STK36: variants seen among roughly 807,000 people sequenced by gnomAD.
STK36 encodes the protein serine/threonine kinase 36.
A neutral mutation model predicts 142.2 loss-of-function variants in STK36; 116 were observed. The observed-to-expected ratio is 0.82, with a 90% CI of 0.70 to 0.95. STK36 has a LOEUF of 0.95. Ranked by LOEUF, STK36 falls within the 40% of genes least tolerant of loss-of-function variation. The pLI, the probability that STK36 is intolerant of heterozygous loss-of-function variation, is 0.00. For synonymous variants in STK36, 619 were observed against 641.7 expected, an observed-to-expected ratio of 0.96 and a Z score of 0.53; for missense variants, 1,422 against 1,617.2, an observed-to-expected ratio of 0.88 and a Z score of 2.07.
rs1940052309 is a variant in STK36, at chr2:218,672,887, A to G, written c.58A>G (p.Lys20Glu). The part of the protein sequence containing the change: ...IGEGSFGRVY[K>E]GRRKYSAQVV... ...AGAAGGCTCTTTTGGGAGGGTGTAC[A>G]AGGGTCGAAGAAAATACAGTGCTCA... is the stretch of plus-strand genomic sequence containing the variant. The change falls in exon 2 of 27, where the codon AAG becomes GAG. Residue 20 changes from lysine (K) to glutamate (E), a missense_variant. Physicochemically the swap from Lys to Glu is moderately conservative, Grantham distance 56. This residue lies in a region of STK36 where 460 missense variants were observed against 449.6 expected (regional missense o/e 1.02). Coordinates refer to ENST00000295709, the MANE Select transcript of STK36 (RefSeq NM_015690.5). 10 of 1,614,088 alleles carry G rather than the reference A, an allele frequency of 6.2e-6. No homozygotes were observed. The highest frequency in any genetic ancestry group is 2.2e-5 in the South Asian group (2 of 91,072).
Position 218,698,714 on chromosome 2 carries a change from C to T in STK36, c.3170C>T (p.Ala1057Val). 6.2e-7 allele frequency: 1 copy of T among 1,614,200 alleles called. No individual in the cohort carries two copies. Among genetic ancestry groups the T allele is most frequent in the Non-Finnish European group, 8.5e-7 (1 of 1,180,050 alleles). The change falls in exon 26 of 27, where the codon GCC becomes GTC. Residue 1057 changes from alanine (A) to valine (V), a missense_variant. This residue lies in a region of STK36 where 962 missense variants were observed against 1,167.5 expected (regional missense o/e 0.82). Coordinates refer to ENST00000295709, the MANE Select transcript of STK36 (RefSeq NM_015690.5). Reference sequence around the variant, plus strand: ...AACCAGTTTGTGAACACAGTGTCTGCCTCCCCTAGAACCATCGTCTCGTTT... The same window carrying T: ...AACCAGTTTGTGAACACAGTGTCTGTCTCCCCTAGAACCATCGTCTCGTTT... ...SLNQFVNTVS[A>V]SPRTIVSFLS...
intron 9 of STK36, 36 bp from the exon 10 acceptor site, chr2:218,680,567 T>C: frequency 6.4e-7 from 1 of 1,566,062 alleles, no homozygotes; most frequent in Non-Finnish European, 8.7e-7. Flanking sequence ...AGTCATAGGT[T>C]TGGAACCCGT....
chr2:218,697,040 A>T lies in STK36; in HGVS notation c.2588A>T (p.Gln863Leu), dbSNP rs1387042223. The change falls in exon 23 of 27, where the codon CAG becomes CTG. Residue 863 changes from glutamine to leucine, a missense_variant and splice_region_variant. Around this residue, in one of 2 missense-constraint regions of STK36, gnomAD observed 962 missense variants for 1,167.5 expected, o/e 0.82. Coordinates refer to ENST00000295709, the MANE Select transcript of STK36 (RefSeq NM_015690.5). ...GCCCTCTTTCACTTTTATCTCTAGC[A>T]GGGGAAGGCTAGCCTAATCAGGGAT... ...LILLLQLLTE[Q>L]GKASLIRDMS... is the part of the protein sequence containing the mutation. The T allele has an allele frequency of 1.2e-6, 2 of 1,613,556 alleles. No homozygotes were observed. Among genetic ancestry groups the T allele is most frequent in the Admixed American group, 3.3e-5 (2 of 59,918 alleles).
At chr2:218,674,344 G>A (rs528403066) in intron 4 of STK36, among the ~76,000 whole-genome samples, 63 of 152,246 alleles carry the variant, frequency 4.1e-4, no homozygotes, top group Non-Finnish European at 7.9e-4. Flanking sequence ...ATACCTTTAG[G>A]GAAGAAGGGC....
Position 218,672,734 on chromosome 2 carries a change from C to T in STK36, c.-89-7C>T. The T allele has an allele frequency of 1.6e-6, 2 of 1,252,992 alleles. No individual in the cohort carries two copies. The highest frequency in any genetic ancestry group is 1.1e-6 in the Non-Finnish European group (1 of 869,662). 77.6% of individuals were successfully genotyped at this position (1,252,992 alleles called of 1,614,324 possible). A position where few individuals can be genotyped will look rare whatever the true frequency, so the allele number is the denominator to read the frequency against. ...CTAACATTTTTCCTTTCCCGTGCCCCAACTAGGCGTCCCAGATGTTGTGGA... is the reference window on the plus strand; with the variant it reads ...CTAACATTTTTCCTTTCCCGTGCCCTAACTAGGCGTCCCAGATGTTGTGGA... On this transcript the variant is annotated splice_region_variant and splice_polypyrimidine_tract_variant and intron_variant, in intron 1 of 26. Transcript: ENST00000295709.
chr2:218,695,862 C>CTTT (rs34836020), intron 21 of STK36, among the ~76,000 whole-genome samples: 20 of 100,018 alleles, frequency 2.0e-4, no homozygotes, highest in African/African-American at 4.6e-4. Context: ...ATGTAGAATT[C>CTTT]TTTTTTTTTT....
chr2:218,692,404 A>G (rs192132388), intron 15 of STK36, 111 bp downstream of exon 15: 36 of 1,511,166 alleles, frequency 2.4e-5, no homozygotes, highest in Admixed American at 2.3e-4. Context: ...TAGGTGCTCA[A>G]TAAATAACTG....
intron 25 of STK36, 104 bp downstream of exon 25, chr2:218,698,105 A>G (rs1941304765): frequency 2.7e-6 from 4 of 1,486,548 alleles, no homozygotes; most frequent in Non-Finnish European, 3.6e-6. Flanking sequence ...CCCTGTAAGC[A>G]TGGAACAGCT....
Position 218,673,942 on chromosome 2 carries a change from C to T in STK36, c.289C>T (p.Leu97Phe). The T allele has an allele frequency of 6.2e-7, 1 of 1,614,026 alleles. No homozygotes were observed. The highest frequency in any genetic ancestry group is 8.5e-7 in the Non-Finnish European group (1 of 1,179,972). The stretch of plus-strand genomic sequence containing the variant: ...TCAGATCCTAGAAGATGACGGAAAA[C>T]TTCCTGAAGACCAGGTATGCTTTCT... ...LFQILEDDGK[L>F]PEDQVQAIAA... The change falls in exon 4 of 27, where the codon CTT (leucine) becomes TTT (phenylalanine). Residue 97 changes from leucine to phenylalanine, a missense_variant. Leu to Phe is a conservative substitution (Grantham distance 22). Transcript: ENST00000295709.
chr2:218,681,936 T>A (rs767846498), intron 10 of STK36, among the ~76,000 whole-genome samples: 1 of 152,188 alleles, frequency 6.6e-6, no homozygotes, highest in Non-Finnish European at 1.5e-5. Flanking sequence ...TTATTTTTTT[T>A]ATTTTTTTGA....
chr2:218,676,140 C>T lies in STK36; in HGVS notation c.546C>T (p.Asp182=), dbSNP rs1475998129. The change falls in exon 6 of 27, where the codon GAC becomes GAT. Residue 182 remains aspartate (D), a synonymous_variant. Transcript: ENST00000295709. ...VEERPYDHTA[D]LWSVGCILYE... The stretch of plus-strand genomic sequence containing the variant: ...AGCGACCATACGACCACACAGCGGA[C>T]CTCTGGTCTGTTGGCTGCATACTAT... 1 of 1,614,150 alleles carries T rather than the reference C, an allele frequency of 6.2e-7. No homozygotes were observed. The highest frequency in any genetic ancestry group is 1.1e-5 in the South Asian group (1 of 91,072).
Position 218,673,671 on chromosome 2 carries a change from A to C in STK36, c.131A>C (p.Glu44Ala). 6.2e-7 allele frequency: 1 copy of C among 1,614,178 alleles called. No individual in the cohort carries two copies. Residue 44 changes from glutamate (E) to alanine (A), a missense_variant, in exon 3 of 27, where the codon GAG becomes GCG. Glu to Ala is a moderately radical substitution (Grantham distance 107, BLOSUM62 -1). Coordinates refer to ENST00000295709, the MANE Select transcript of STK36 (RefSeq NM_015690.5). Reference protein sequence around the residue: ...FIPKLGRSEKELRNLQREIEI... With the variant: ...FIPKLGRSEKALRNLQREIEI... ...CCAAAATTGGGGCGCTCAGAGAAGGAGCTGAGGAATTTGCAACGAGAGATT... is the reference window on the plus strand; with the variant it reads ...CCAAAATTGGGGCGCTCAGAGAAGGCGCTGAGGAATTTGCAACGAGAGATT...
At chr2:218,677,804 T>G (rs1427520331) in intron 6 of STK36, among the ~76,000 whole-genome samples, 1 of 152,172 alleles carries the variant, frequency 6.6e-6, no homozygotes, top group Non-Finnish European at 1.5e-5. Context: ...ATTTCTTTTT[T>G]CTTTGAGATG....
At chr2:218,672,401 C>T in intron 1 of STK36, 186 bp downstream of exon 1, 1 of 306,800 alleles carries the variant, frequency 3.3e-6, no homozygotes, top group Non-Finnish European at 6.2e-6. Flanking sequence ...AGCGCACGGG[C>T]CAGGGGGTCT....
In STK36 at chr2:218,693,914, AAG is replaced by A; in HGVS notation, c.2270_2271del (p.Glu757ValfsTer3). The A allele has an allele frequency of 6.2e-7, 1 of 1,614,236 alleles. No individual in the cohort carries two copies. The highest frequency in any genetic ancestry group is 8.5e-7 in the Non-Finnish European group (1 of 1,180,032). ...TTGTAGGTAAAAGTAGTAGATTGGG[AAG>A]AGTCTACTGAAGTGACACTCTACTT... On this transcript the variant is annotated frameshift_variant, in exon 19 of 27. Transcript: ENST00000295709. LOFTEE classifies it high-confidence loss of function.
At position 218,685,750 on chromosome 2, in the gene STK36, C is replaced by G. The variant is rs537258154; in HGVS notation, c.1380+522C>G. Reference sequence around the variant, plus strand: ...TACTTTGCTCCTCTGAAACACAGTGCTTTTCCTTCCTGGGTACTCGCCAAA... The same window carrying G: ...TACTTTGCTCCTCTGAAACACAGTGGTTTTCCTTCCTGGGTACTCGCCAAA... On this transcript the variant is annotated intron_variant, in intron 11 of 26. Coordinates refer to ENST00000295709, the MANE Select transcript of STK36 (RefSeq NM_015690.5). Among the ~76,000 whole-genome samples, 15 of 152,270 alleles carry G rather than the reference C, an allele frequency of 9.9e-5. No individual in the cohort carries two copies. The East Asian group carries it at 2.9e-3, about 29-fold the overall frequency.
chr2:218,676,536 A>G (rs573463092), intron 6 of STK36, among the ~76,000 whole-genome samples: 79 of 152,140 alleles, frequency 5.2e-4, no homozygotes, highest in Non-Finnish European at 8.1e-4. Context: ...GAAACTTACA[A>G]TCATGACGGA....
intron 4 of STK36, among the ~76,000 whole-genome samples, chr2:218,674,533 C>G (rs1940146462): frequency 6.6e-6 from 1 of 152,196 alleles, no homozygotes; most frequent in Non-Finnish European, 1.5e-5. Context: ...ATTATTGCAG[C>G]ATTCTCTTTC....
At chr2:218,698,416 CT>C (rs1179605428) in intron 25 of STK36, among the ~76,000 whole-genome samples, 185 bp from the exon 26 acceptor site, 1 of 152,174 alleles carries the variant, frequency 6.6e-6, no homozygotes, top group Non-Finnish European at 1.5e-5. Context: ...AAGGAATGAT[CT>C]TGGAAAGAAC....
Sources: gnomAD v4.1 joint callset for allele counts (sites outside exome capture counted in the v4.1 genomes callset) on GRCh38, gnomAD v4.1.1 for gene constraint, gnomAD v4.1.1 regional missense constraint, MANE v1.5 for transcripts, NCBI Gene and HGNC (gene_info 2026-07-23, HGNC 2026-07-21) for gene names.